Variants in DCAF10 observed in about 807,000 individuals in gnomAD.
DCAF10 encodes DDB1- and CUL4-associated factor 10.
A neutral mutation model predicts 51.9 loss-of-function variants in DCAF10; 19 were observed. The ratio of observed to expected loss-of-function variants is 0.37; its 90% CI spans 0.26 to 0.54. The LOEUF is 0.54. Ranked by LOEUF, DCAF10 falls within the 20% of genes least tolerant of loss-of-function variation. The pLI is 0.87. For missense variants in DCAF10, 510 were observed against 730.6 expected, an observed-to-expected ratio of 0.70 and a Z score of 3.48; for synonymous variants, 291 against 297.1, an observed-to-expected ratio of 0.98 and a Z score of 0.21.
intron 2 of DCAF10, among the ~76,000 whole-genome samples, chr9:37,819,808 T>A (rs1040777153): frequency 3.9e-5 from 6 of 152,200 alleles, no homozygotes; most frequent in Admixed American, 1.3e-4. Context: ...AAAAAGTACA[T>A]GCACAGACAA....
chr9:37,852,941 TATATATATATATATATATATATATA>T (rs1830716425), intron 3 of DCAF10, among the ~76,000 whole-genome samples: 1 of 28,068 alleles, frequency 3.6e-5, no homozygotes, highest in Non-Finnish European at 8.4e-5. Context: ...TATATATATA[TATATATATATATATATATATATATA>T]AATTAGCTTG....
intron 2 of DCAF10, chr9:37,836,027 C>G: frequency 2.9e-6 from 3 of 1,043,170 alleles, no homozygotes; most frequent in Non-Finnish European, 4.5e-6. Context: ...GCCCCAAACG[C>G]CGTCCGCGCC....
At chr9:37,827,463 T>C (rs557190500) in intron 2 of DCAF10, among the ~76,000 whole-genome samples, 1 of 152,166 alleles carries the variant, frequency 6.6e-6, no homozygotes, top group South Asian at 2.1e-4. Flanking sequence ...ATTAAACAAA[T>C]ATGTTTTTAA....
chr9:37,860,438 G>C, intron 6 of DCAF10: 1 of 376,418 alleles, frequency 2.7e-6, no homozygotes, highest in Non-Finnish European at 4.7e-6. Context: ...TTAAAGGCCA[G>C]CATCAGCTCA....
intron 3 of DCAF10, among the ~76,000 whole-genome samples, chr9:37,853,413 C>A (rs1185074288): frequency 3.0e-4 from 33 of 111,780 alleles, no homozygotes; most frequent in African/African-American, 4.8e-4. Context: ...AACTCCATCT[C>A]AAAAAAAAAA....
intron 3 of DCAF10, among the ~76,000 whole-genome samples, chr9:37,850,870 A>ATATATG (rs1554690025): frequency 5.6e-4 from 47 of 83,562 alleles, no homozygotes; most frequent in South Asian, 1.2e-3. Context: ...ATATATATAT[A>ATATATG]TATATATATA....
rs2118240462 is a variant in DCAF10, at chr9:37,866,564, G to A, written c.*5056G>A. On this transcript the variant is annotated 3_prime_UTR_variant, in exon 7 of 7. Transcript: ENST00000377724. ...GCTCCCCACTTTCTTCTAATGTGCT[G>A]TTATGAGCTTTGGACATGAGATAAC... 1 of 152,358 alleles carries A rather than the reference G, an allele frequency of 6.6e-6. No homozygotes were observed. Among genetic ancestry groups the A allele is most frequent in the South Asian group, 2.1e-4 (1 of 4,826 alleles). The allele number at this position is 152,358 out of a possible 1,614,324, so 9.4% of individuals were successfully genotyped here. A position where few individuals can be genotyped will look rare whatever the true frequency, so the allele number is the denominator to read the frequency against.
chr9:37,858,590 A>AT (rs1421798069), intron 5 of DCAF10: 1 of 152,240 alleles, frequency 6.6e-6, no homozygotes, highest in African/African-American at 2.4e-5. Flanking sequence ...AAGAGATGAT[A>AT]TATGAGGAGG....
chr9:37,841,947 T>C, intron 2 of DCAF10, 142 bp from the exon 3 acceptor site: 1 of 642,680 alleles, frequency 1.6e-6, no homozygotes, highest in African/African-American at 1.8e-5. Flanking sequence ...TTATAGTATA[T>C]CAGTCATTGG....
intron 2 of DCAF10, among the ~76,000 whole-genome samples, chr9:37,828,315 G>C (rs1304083033): frequency 6.6e-6 from 1 of 152,138 alleles, no homozygotes; most frequent in African/African-American, 2.4e-5. Flanking sequence ...GCACTGTCAT[G>C]TATCTGTAAA....
chr9:37,804,236 A>G (rs1829043369), intron 1 of DCAF10, among the ~76,000 whole-genome samples: 1 of 145,650 alleles, frequency 6.9e-6, no homozygotes, highest in South Asian at 2.2e-4. Context: ...ATAGTTAGCC[A>G]GAGTTCCTAA....
At chr9:37,847,383 G>A (rs1246894588) in intron 3 of DCAF10, among the ~76,000 whole-genome samples, 1 of 150,008 alleles carries the variant, frequency 6.7e-6, no homozygotes, top group Non-Finnish European at 1.5e-5. Flanking sequence ...TCATCACCAA[G>A]TGGAATTTAT....
intron 2 of DCAF10, among the ~76,000 whole-genome samples, chr9:37,831,388 A>G (rs1272468936): frequency 6.6e-6 from 1 of 152,180 alleles, no homozygotes; most frequent in Non-Finnish European, 1.5e-5. Flanking sequence ...CCTCTGTGAG[A>G]CAGATATTGT....
rs963287857 is a variant in DCAF10 at position 37,864,260 on chromosome 9, T to G, written c.*2752T>G. ...AAGATTGCACTATTGCACTCCACCC[T>G]GGGCAATAGAGCCAGATCCTGTCTC... On this transcript the variant is annotated 3_prime_UTR_variant, in exon 7 of 7. Coordinates refer to ENST00000377724, the MANE Select transcript of DCAF10 (RefSeq NM_024345.5). 6.6e-6 allele frequency: 1 copy of G among 151,196 alleles called. No individual in the cohort carries two copies. The highest frequency in any genetic ancestry group is 1.5e-5 in the Non-Finnish European group (1 of 67,964). 9.4% of individuals were successfully genotyped at this position (151,196 alleles called of 1,614,324 possible).
At chr9:37,828,159 A>G (rs1020757110) in intron 2 of DCAF10, among the ~76,000 whole-genome samples, 1 of 152,152 alleles carries the variant, frequency 6.6e-6, no homozygotes, top group African/African-American at 2.4e-5. Context: ...AAGTGCTGAA[A>G]TTACAGGCAT....
At position 37,800,848 on chromosome 9, in the gene DCAF10, G is replaced by T. The variant is rs1002376597; in HGVS notation, c.-19G>T. ...GCCGGCGGGGCAGTGGCCCGGAGCG[G>T]GGGGCGGGGGCGTTGATCATGTTTC... On this transcript the variant is annotated 5_prime_UTR_variant, in exon 1 of 7. Transcript: ENST00000377724. 1.3e-6 allele frequency: 2 copies of T among 1,485,114 alleles called. No individual in the cohort carries two copies. Among genetic ancestry groups the T allele is most frequent in the South Asian group, 2.7e-5 (2 of 75,106 alleles). The allele number at this position is 1,485,114 out of a possible 1,614,324, so 92.0% of individuals were successfully genotyped here.
intron 3 of DCAF10, among the ~76,000 whole-genome samples, chr9:37,852,801 C>T (rs973542517): frequency 6.6e-6 from 1 of 151,790 alleles, no homozygotes; most frequent in South Asian, 2.1e-4. Context: ...ATCCCAGCTA[C>T]TTGGGAGATG....
chr9:37,800,560 C>T (rs984612822), upstream of DCAF10: 10 of 1,534,358 alleles, frequency 6.5e-6, no homozygotes, highest in Non-Finnish European at 8.7e-6. Context: ...GGCCACTCAT[C>T]CCCAGGCACG....
intron 3 of DCAF10, among the ~76,000 whole-genome samples, chr9:37,851,754 C>T (rs2118124699): frequency 6.6e-6 from 1 of 150,786 alleles, no homozygotes; most frequent in South Asian, 2.1e-4. Flanking sequence ...AAGATCATGC[C>T]ACTGCATTGG....
Sources: allele counts gnomAD v4.1 joint callset (sites outside exome capture counted in the v4.1 genomes callset), GRCh38; gene constraint gnomAD v4.1.1; transcripts MANE v1.5; gene names NCBI Gene and HGNC (gene_info 2026-07-23, HGNC 2026-07-21).